Variants in BOK observed in about 807,000 individuals in gnomAD.
The protein encoded by BOK is bcl-2-related ovarian killer protein.
In BOK, 20 loss-of-function variants were observed where a neutral mutation model predicts 18.3. That is an observed-to-expected ratio of 1.09 (90% CI 0.77 to 1.59). BOK has a LOEUF of 1.59. BOK is among the 40% of genes most tolerant of loss of function. The probability of loss-of-function intolerance (pLI) is 0.00; values close to 1 mark genes in which losing one functional copy is unlikely to be tolerated. For synonymous variants in BOK, 173 were observed against 142.4 expected, an observed-to-expected ratio of 1.21 and a Z score of -1.53; for missense variants, 348 against 307.9, an observed-to-expected ratio of 1.13 and a Z score of -0.97.
chr2:241,557,090 T>A (rs1185575934), upstream of BOK, among the ~76,000 whole-genome samples: 3 of 152,152 alleles, frequency 2.0e-5, no homozygotes, highest in Non-Finnish European at 4.4e-5. Flanking sequence ...TAGTGAAATT[T>A]GTGTTATCTT....
At chr2:241,570,523 C>T (rs76971024) in intron 4 of BOK, among the ~76,000 whole-genome samples, 4 of 37,102 alleles carry the variant, frequency 1.1e-4, no homozygotes, top group African/African-American at 2.8e-4. Context: ...GATGGGTGAG[C>T]CTCTGAGCGC....
At chr2:241,570,498 C>T (rs369836824) in intron 4 of BOK, among the ~76,000 whole-genome samples, 1 of 69,874 alleles carries the variant, frequency 1.4e-5, no homozygotes, top group Non-Finnish European at 2.9e-5. Flanking sequence ...TGCAGAGGTA[C>T]GGGAGGGAGT....
upstream of BOK, among the ~76,000 whole-genome samples, chr2:241,554,961 G>A (rs1251943873): frequency 1.3e-5 from 2 of 152,186 alleles, no homozygotes; most frequent in African/African-American, 4.8e-5. Flanking sequence ...AAGAGTGGAT[G>A]TAAGAGTTCT....
intron 1 of BOK, among the ~76,000 whole-genome samples, chr2:241,553,604 G>C (rs549554211): frequency 2.0e-5 from 3 of 152,328 alleles, no homozygotes; most frequent in African/African-American, 7.2e-5. Context: ...AGGAGGAAGA[G>C]AGTGAAGCGG....
At chr2:241,558,054 G>GACACACACAC (rs60885185), upstream of BOK, among the ~76,000 whole-genome samples, 11,318 of 143,302 alleles carry the variant, frequency 0.079, 546 homozygotes, top group East Asian at 0.21. Flanking sequence ...AGAGTTCCGA[G>GACACACACAC]ACACACACAC....
At chr2:241,569,790 T>C (rs1282308602) in intron 3 of BOK, among the ~76,000 whole-genome samples, 1 of 152,218 alleles carries the variant, frequency 6.6e-6, no homozygotes, top group Non-Finnish European at 1.5e-5. Flanking sequence ...GCCAGGCCTG[T>C]TGTGGGAACA....
At position 241,572,524 on chromosome 2, in the gene BOK, A is replaced by C; in HGVS notation, c.*102A>C. 1 of 1,480,470 alleles carries C rather than the reference A, an allele frequency of 6.8e-7. No individual in the cohort carries two copies. The highest frequency in any genetic ancestry group is 9.0e-7 in the Non-Finnish European group (1 of 1,111,028). The allele number at this position is 1,480,470 out of a possible 1,614,324, so 91.7% of individuals were successfully genotyped here. A position where few individuals can be genotyped will look rare whatever the true frequency, so the allele number is the denominator to read the frequency against. ...CCTCCTCCCCACCCGAGCCTGGAGC[A>C]CTCTAACCCTCGGAGACCCCCTAAG... On this transcript the variant is annotated 3_prime_UTR_variant, in exon 5 of 5. Transcript: ENST00000318407.
At chr2:241,556,249 T>G (rs1373266471), upstream of BOK, among the ~76,000 whole-genome samples, 2 of 152,108 alleles carry the variant, frequency 1.3e-5, no homozygotes, top group Non-Finnish European at 2.9e-5. Context: ...AAAAAGCAGC[T>G]AACAATGACT....
At chr2:241,557,623 C>T (rs1559198197), upstream of BOK, among the ~76,000 whole-genome samples, 4 of 152,100 alleles carry the variant, frequency 2.6e-5, no homozygotes, top group African/African-American at 9.7e-5. Flanking sequence ...AATTTTCAAT[C>T]CTTCTTCTAA....
chr2:241,552,560 T>C (rs1574990662), intron 1 of BOK, among the ~76,000 whole-genome samples: 2 of 152,176 alleles, frequency 1.3e-5, no homozygotes, highest in East Asian at 3.9e-4. Flanking sequence ...GACCCACCTA[T>C]GCCTGAGGCT....
intron 3 of BOK, among the ~76,000 whole-genome samples, chr2:241,564,193 G>A (rs1022692038): frequency 5.9e-5 from 9 of 152,242 alleles, no homozygotes; most frequent in African/African-American, 2.2e-4. Flanking sequence ...GTCCAGGCGG[G>A]GTCTGGTCCT....
At position 241,563,243 on chromosome 2, in the gene BOK, C is replaced by G. The variant is rs1422547055; in HGVS notation, c.349+767C>G. On this transcript the variant is annotated intron_variant, in intron 3 of 4. Coordinates refer to ENST00000318407, the MANE Select transcript of BOK (RefSeq NM_032515.5). ...TCCCCTACTCGGTGCCCGCTGTCCA[C>G]TTGTCCAGCTGCCTTGGCCTGGATT... is the stretch of plus-strand genomic sequence containing the variant. Among the ~76,000 whole-genome samples, 5 of 152,236 alleles carry G rather than the reference C, an allele frequency of 3.3e-5. No homozygotes were observed. The East Asian group carries it at 9.6e-4, about 29-fold the overall frequency.
intron 3 of BOK, among the ~76,000 whole-genome samples, chr2:241,566,100 AAAG>A (rs1363928468): frequency 4.0e-5 from 6 of 151,784 alleles, no homozygotes; most frequent in Admixed American, 1.3e-4. Flanking sequence ...GCCTGACCAA[AAAG>A]AAGAAACCCT....
At chr2:241,568,962 C>G (rs541533501) in intron 3 of BOK, among the ~76,000 whole-genome samples, 1 of 150,996 alleles carries the variant, frequency 6.6e-6, no homozygotes, top group South Asian at 2.1e-4. Flanking sequence ...CTCCAGGGAC[C>G]ACTGCTGACT....
At chr2:241,563,712 C>G (rs1242135173) in intron 3 of BOK, among the ~76,000 whole-genome samples, 3 of 152,230 alleles carry the variant, frequency 2.0e-5, no homozygotes, top group African/African-American at 7.2e-5. Context: ...GCCTCAGCTG[C>G]CTTGTCTCCA....
intron 3 of BOK, among the ~76,000 whole-genome samples, chr2:241,566,445 T>C (rs1182426778): frequency 2.7e-5 from 4 of 150,074 alleles, no homozygotes; most frequent in Admixed American, 6.7e-5. Flanking sequence ...ATTACAGGTA[T>C]GTGCCACCAC....
intron 2 of BOK, among the ~76,000 whole-genome samples, chr2:241,561,863 T>C (rs1363797494): frequency 6.6e-6 from 1 of 152,224 alleles, no homozygotes; most frequent in Admixed American, 6.5e-5. Flanking sequence ...GGCTGTCCCC[T>C]GCTCTCACCC....
chr2:241,551,548 C>T (rs984117007), intron 1 of BOK: 2 of 152,298 alleles, frequency 1.3e-5, no homozygotes, highest in Non-Finnish European at 2.9e-5. Context: ...GAAGGAAGGA[C>T]TCCGAGGTTT....
rs2066505999 is a variant in BOK, at chr2:241,560,179, A to G, written c.220+476A>G. The G allele has an allele frequency of 4.1e-6, 4 of 985,276 alleles. No individual in the cohort carries two copies. The South Asian group carries it at 1.4e-4, about 35-fold the overall frequency. The allele number at this position is 985,276 out of a possible 1,614,324, so 61.0% of individuals were successfully genotyped here. ...CACCGGGCTGGGTAGCCAAAACCTC[A>G]GTATTCGTTGGTGCTGTGAGGACAT... On this transcript the variant is annotated intron_variant, in intron 2 of 4. Coordinates refer to ENST00000318407, the MANE Select transcript of BOK (RefSeq NM_032515.5).
Sources: allele counts gnomAD v4.1 joint callset (sites outside exome capture counted in the v4.1 genomes callset), GRCh38; gene constraint gnomAD v4.1.1; transcripts MANE v1.5; gene names NCBI Gene and HGNC (gene_info 2026-07-23, HGNC 2026-07-21).